The following SNTG2 variants were observed in gnomAD, a reference collection of about 807,000 sequenced individuals.
SNTG2 encodes the protein gamma-2-syntrophin.
A neutral mutation model predicts 70.9 loss-of-function variants in SNTG2; 74 were observed. The ratio of observed to expected loss-of-function variants is 1.04; its 90% CI spans 0.86 to 1.27. SNTG2 has a LOEUF of 1.27. Ranked by LOEUF, SNTG2 falls within the 50% of genes most tolerant of loss-of-function variation. SNTG2 has a pLI of 0.00. For synonymous variants in SNTG2, 278 were observed against 273.8 expected (o/e 1.02, Z -0.15); for missense variants, 717 against 690.7 (o/e 1.04, Z -0.43).
chr2:1,334,766 C>CAATG (rs375101914), intron 16 of SNTG2, among the ~76,000 whole-genome samples: 209 of 152,126 alleles, frequency 1.4e-3, no homozygotes, highest in Middle Eastern at 6.8e-3. Context: ...ACAAATGATA[C>CAATG]AATGGGCTTT....
At chr2:1,200,427 A>G (rs1673205686) in intron 8 of SNTG2, among the ~76,000 whole-genome samples, 1 of 151,998 alleles carries the variant, frequency 6.6e-6, no homozygotes, top group Non-Finnish European at 1.5e-5. Context: ...AGAAGTAAAC[A>G]TAGTAGAAAC....
intron 7 of SNTG2, among the ~76,000 whole-genome samples, chr2:1,168,156 C>T (rs1371436101): frequency 3.5e-4 from 49 of 138,144 alleles, no homozygotes; most frequent in Non-Finnish European, 5.7e-4. Flanking sequence ...ACCTACAAGC[C>T]GCCCACAGAT....
chr2:962,863 A>AT (rs1660398073), intron 1 of SNTG2, among the ~76,000 whole-genome samples: 1 of 152,192 alleles, frequency 6.6e-6, no homozygotes, highest in South Asian at 2.1e-4. Context: ...AAAACAGAAG[A>AT]TAAGTGTCAT....
chr2:1,333,219 A>C (rs1659621885), intron 16 of SNTG2, among the ~76,000 whole-genome samples: 1 of 152,206 alleles, frequency 6.6e-6, no homozygotes, highest in Non-Finnish European at 1.5e-5. Flanking sequence ...CAAAAAGTAA[A>C]ATATTTAGGA....
At chr2:975,151 C>T (rs553043376) in intron 1 of SNTG2, among the ~76,000 whole-genome samples, 1 of 151,366 alleles carries the variant, frequency 6.6e-6, no homozygotes, top group South Asian at 2.1e-4. Context: ...ACACCACACC[C>T]TTCCACTCAC....
chr2:1,124,034 A>ATT (rs61663449), intron 4 of SNTG2, among the ~76,000 whole-genome samples: 2 of 151,432 alleles, frequency 1.3e-5, no homozygotes, highest in East Asian at 2.0e-4. Context: ...TGCAGGAAGA[A>ATT]TTTTTTTTAA....
intron 14 of SNTG2, among the ~76,000 whole-genome samples, chr2:1,306,820 TGCGCTGTGAGCC>T (rs1436951027): frequency 2.0e-5 from 3 of 151,148 alleles, no homozygotes; most frequent in Non-Finnish European, 2.9e-5. Context: ...GTCAGAGCAG[TGCGCTGTGAGCC>T]GCGCTGTGTG....
intron 8 of SNTG2, among the ~76,000 whole-genome samples, chr2:1,207,001 G>A (rs1673672257): frequency 6.6e-6 from 1 of 152,124 alleles, no homozygotes. Context: ...GCATTACTAG[G>A]ATGAACTCCT....
intron 1 of SNTG2, among the ~76,000 whole-genome samples, chr2:1,017,562 TACAC>T (rs1027401714): frequency 7.3e-5 from 11 of 150,634 alleles, no homozygotes; most frequent in Admixed American, 2.6e-4. Context: ...CACACACACA[TACAC>T]ACATGCACAC....
intron 14 of SNTG2, among the ~76,000 whole-genome samples, chr2:1,279,233 C>T (rs963172554): frequency 1.3e-5 from 2 of 152,238 alleles, no homozygotes; most frequent in Non-Finnish European, 2.9e-5. Flanking sequence ...CGTTGCAGTG[C>T]TTGTATTCAA....
At chr2:1,178,471 T>A (rs1458185099) in intron 8 of SNTG2, among the ~76,000 whole-genome samples, 1 of 152,002 alleles carries the variant, frequency 6.6e-6, no homozygotes, top group South Asian at 2.1e-4. Context: ...TTTTGAGATA[T>A]GTCCCATCAA....
chr2:1,006,888 G>A (rs879651287), intron 1 of SNTG2, among the ~76,000 whole-genome samples: 1 of 152,012 alleles, frequency 6.6e-6, no homozygotes, highest in East Asian at 1.9e-4. Flanking sequence ...TATTAGCCAG[G>A]CATGGTGACA....
intron 1 of SNTG2, among the ~76,000 whole-genome samples, chr2:1,048,038 A>G (rs1661835708): frequency 1.3e-5 from 2 of 152,202 alleles, no homozygotes; most frequent in Non-Finnish European, 1.5e-5. Context: ...GATTTTTAAT[A>G]TTTTTGTACT....
chr2:1,276,564 T>C (rs1679277161), intron 14 of SNTG2, among the ~76,000 whole-genome samples: 1 of 152,246 alleles, frequency 6.6e-6, no homozygotes, highest in East Asian at 1.9e-4. Context: ...CCTTTCAAAA[T>C]ATTACAACTC....
chr2:1,118,170 C>A (rs571504360), intron 4 of SNTG2, among the ~76,000 whole-genome samples: 142 of 152,166 alleles, frequency 9.3e-4, no homozygotes, highest in African/African-American at 3.4e-3. Context: ...TCACGTCACC[C>A]CAGGGCCCTG....
chr2:1,287,114 G>A (rs1172901242), intron 14 of SNTG2, among the ~76,000 whole-genome samples: 2 of 151,368 alleles, frequency 1.3e-5, no homozygotes, highest in Non-Finnish European at 2.9e-5. Flanking sequence ...TGCTCACTCT[G>A]TGCTTTTCCC....
At chr2:1,365,797 C>T (rs1431527716) in intron 16 of SNTG2, among the ~76,000 whole-genome samples, 1 of 152,050 alleles carries the variant, frequency 6.6e-6, no homozygotes, top group Non-Finnish European at 1.5e-5. Flanking sequence ...AGGGAGAGGC[C>T]GAGGGGACTT....
At chr2:1,041,736 G>C (rs558296819) in intron 1 of SNTG2, among the ~76,000 whole-genome samples, 28 of 152,238 alleles carry the variant, frequency 1.8e-4, no homozygotes, top group African/African-American at 6.7e-4. Context: ...GGTGCCATGC[G>C]TCCTACACAG....
intron 9 of SNTG2, among the ~76,000 whole-genome samples, chr2:1,237,260 T>G (rs1676724731): frequency 6.6e-6 from 1 of 152,196 alleles, no homozygotes; most frequent in Non-Finnish European, 1.5e-5. Flanking sequence ...ACTATTTTCT[T>G]AAGAAAAAGT....
Sources: gnomAD v4.1 joint callset for allele counts (sites outside exome capture counted in the v4.1 genomes callset) on GRCh38, gnomAD v4.1.1 for gene constraint, MANE v1.5 for transcripts, NCBI Gene and HGNC (gene_info 2026-07-23, HGNC 2026-07-21) for gene names.